RBM10: variants seen among roughly 807,000 people sequenced by gnomAD.
RBM10 encodes RNA binding motif protein 10, also known as RNA-binding protein 10.
In RBM10, 1 loss-of-function variant was observed where a neutral mutation model predicts 84.9. The ratio of observed to expected loss-of-function variants is 0.01; its 90% CI spans 0.00 to 0.06. The LOEUF is 0.06. RBM10 is among the 10% of genes least tolerant of loss of function. RBM10 has a pLI of 1.00. For missense variants in RBM10, 438 were observed against 839.0 expected, an observed-to-expected ratio of 0.52 and a Z score of 5.90; for synonymous variants, 326 against 344.5, an observed-to-expected ratio of 0.95 and a Z score of 0.60.
At position 47,179,467 on chromosome X, in the gene RBM10, G is replaced by A. The variant is rs1297786919; in HGVS notation, c.873G>A (p.Ser291=). Residue 291 remains serine, a synonymous_variant, in exon 9 of 24, where the codon TCG becomes TCA. Coordinates refer to ENST00000377604, the MANE Select transcript of RBM10 (RefSeq NM_005676.5). ...VLASQALSQG[S]EPSSENANDT... ...CCTCCCAAGCCCTGTCACAGGGCTC[G>A]GAGCCAAGCTCAGAGAACGCCAATG... The A allele has an allele frequency of 4.2e-6, 5 of 1,202,551 alleles. No homozygotes were observed. Among genetic ancestry groups the A allele is most frequent in the East Asian group, 3.0e-5 (1 of 33,800 alleles).
intron 2 of RBM10, among the ~76,000 whole-genome samples, chrX:47,152,435 CTATATCTTTTTTTTTTTTTTTTTT>C (rs1314361067): frequency 2.0e-5 from 2 of 97,709 alleles, no homozygotes; most frequent in Non-Finnish European, 4.0e-5. Flanking sequence ...CTCTATCACT[CTATATCTTTTTTTTTTTTTTTTTT>C]TTTTTTTGAG....
chrX:47,171,328 AC>A lies in RBM10; in HGVS notation c.432+74del, dbSNP rs1934652397. 6.8e-6 allele frequency: 8 copies of A among 1,172,971 alleles called. No individual in the cohort carries two copies. The Admixed American group carries it at 1.8e-4, about 27-fold the overall frequency. ...CCTCCAGGGCCCTCAACTTCTCCCC[AC>A]CCCTCCCTCACCTGCAACCTCAGCG... On this transcript the variant is annotated intron_variant, in intron 4 of 23. Coordinates refer to ENST00000377604, the MANE Select transcript of RBM10 (RefSeq NM_005676.5).
chrX:47,164,136 T>C (rs1451641157), intron 2 of RBM10, among the ~76,000 whole-genome samples: 9 of 110,726 alleles, frequency 8.1e-5, no homozygotes, highest in African/African-American at 3.0e-4. Flanking sequence ...CCCAAAGTGC[T>C]GGGATTACAG....
At chrX:47,169,597 C>G in intron 3 of RBM10, 99 bp downstream of exon 3, 1 of 909,724 alleles carries the variant, frequency 1.1e-6, no homozygotes, top group Non-Finnish European at 1.5e-6. Context: ...TCTCCACTCC[C>G]GTGCCTTCAG....
chrX:47,145,452 T>C lies in RBM10; in HGVS notation c.-159T>C. 6.1e-6 allele frequency: 7 copies of C among 1,152,715 alleles called. No homozygotes were observed. Among genetic ancestry groups the C allele is most frequent in the Non-Finnish European group, 8.0e-6 (7 of 871,832 alleles). 95.0% of individuals were successfully genotyped at this position (1,152,715 alleles called of 1,213,427 possible). A position where few individuals can be genotyped will look rare whatever the true frequency, so the allele number is the denominator to read the frequency against. On this transcript the variant is annotated 5_prime_UTR_variant, in exon 1 of 24. Transcript: ENST00000377604. The stretch of plus-strand genomic sequence containing the variant: ...GGTGGCGGCGGGCAGAGGTGATGTC[T>C]GGGAGCCCTTCCTTGACAGCCCGGG...
At chrX:47,145,949 G>A (rs1203383366) in intron 1 of RBM10, among the ~76,000 whole-genome samples, 3 of 105,644 alleles carry the variant, frequency 2.8e-5, no homozygotes, top group Non-Finnish European at 3.9e-5. Context: ...ACCCTTTGAG[G>A]GGGGGCGGTC....
intron 17 of RBM10, among the ~76,000 whole-genome samples, chrX:47,183,577 G>A (rs1383144980): frequency 9.1e-6 from 1 of 110,307 alleles, no homozygotes; most frequent in African/African-American, 3.3e-5. Flanking sequence ...GGGGGTGAAG[G>A]ATGAAAAATT....
Position 47,186,721 on chromosome X carries a change from G to C in RBM10, c.*122G>C. ...GGCCAGCCCACTCCCCAGCCAGAGAGGGCTTGACCAAATCAAATTGAGGTG... is the reference window on the plus strand; with the variant it reads ...GGCCAGCCCACTCCCCAGCCAGAGACGGCTTGACCAAATCAAATTGAGGTG... On this transcript the variant is annotated 3_prime_UTR_variant, in exon 24 of 24. Coordinates refer to ENST00000377604, the MANE Select transcript of RBM10 (RefSeq NM_005676.5). 1 of 923,323 alleles carries C rather than the reference G, an allele frequency of 1.1e-6. No individual in the cohort carries two copies. The allele number at this position is 923,323 out of a possible 1,213,427, so 76.1% of individuals were successfully genotyped here. A position where few individuals can be genotyped will look rare whatever the true frequency, so the allele number is the denominator to read the frequency against.
At position 47,145,331 on chromosome X, in the gene RBM10, C is replaced by T. The variant is rs934306506; in HGVS notation, c.-280C>T. 3.7e-6 allele frequency: 3 copies of T among 813,297 alleles called. No individual in the cohort carries two copies. In the East Asian group the frequency reaches 1.0e-4, roughly 28 times the overall value. The allele number at this position is 813,297 out of a possible 1,213,427, so 67.0% of individuals were successfully genotyped here. ...GCAGTGAGTTTCCCTGGGAGGGCAG[C>T]GCGCTTGGCGCTTCTCCCCTCCCCC... On this transcript the variant is annotated 5_prime_UTR_variant, in exon 1 of 24. Transcript: ENST00000377604.
At chrX:47,168,713 G>A (rs1478922895) in intron 2 of RBM10, among the ~76,000 whole-genome samples, 4 of 111,303 alleles carry the variant, frequency 3.6e-5, no homozygotes, top group Non-Finnish European at 5.7e-5. Context: ...CCTCACCCCC[G>A]GGGATCCTGC....
At chrX:47,163,932 G>A (rs982396046) in intron 2 of RBM10, among the ~76,000 whole-genome samples, 3 of 93,834 alleles carry the variant, frequency 3.2e-5, no homozygotes, top group African/African-American at 8.4e-5. Context: ...GCAGTGGCGC[G>A]ATCTCTGCTC....
intron 2 of RBM10, chrX:47,158,134 G>A: frequency 4.3e-6 from 1 of 231,546 alleles, no homozygotes; most frequent in Non-Finnish European, 8.0e-6. Context: ...CCGGGAAATT[G>A]AGCTTCTTGA....
At chrX:47,172,105 T>C (rs1324087157) in intron 4 of RBM10, among the ~76,000 whole-genome samples, 1 of 112,335 alleles carries the variant, frequency 8.9e-6, no homozygotes, top group East Asian at 2.8e-4. Context: ...TCAGTCCCCA[T>C]GGCAGCCCAG....
In RBM10 at chrX:47,145,372, C is replaced by T. The variant is rs1026371805; in HGVS notation, c.-239C>T. 9.4e-6 allele frequency: 10 copies of T among 1,065,239 alleles called. No individual in the cohort carries two copies. The Admixed American group carries it at 1.8e-4, about 19-fold the overall frequency. The allele number at this position is 1,065,239 out of a possible 1,213,427, so 87.8% of individuals were successfully genotyped here. ...CCCCTCCCCCCGATCTGCCTCCAGT[C>T]TCGGACTTGGTTGTTGCGCGCTCCG... On this transcript the variant is annotated 5_prime_UTR_variant, in exon 1 of 24. Coordinates refer to ENST00000377604, the MANE Select transcript of RBM10 (RefSeq NM_005676.5).
At chrX:47,159,306 G>C (rs1933454922) in intron 2 of RBM10, among the ~76,000 whole-genome samples, 1 of 109,861 alleles carries the variant, frequency 9.1e-6, no homozygotes, top group Non-Finnish European at 1.9e-5. Flanking sequence ...CTACTCGGGA[G>C]GCTGAGGCAG....
intron 17 of RBM10, among the ~76,000 whole-genome samples, chrX:47,183,410 A>T (rs188821552): frequency 5.5e-4 from 61 of 110,546 alleles, no homozygotes; most frequent in African/African-American, 1.8e-3. Flanking sequence ...AATCCCGGCT[A>T]CTCAGGAAGC....
chrX:47,171,770 C>T (rs782781665), intron 4 of RBM10, among the ~76,000 whole-genome samples: 44 of 112,037 alleles, frequency 3.9e-4, no homozygotes, highest in Non-Finnish European at 7.2e-4. Flanking sequence ...GCCTCCCTTT[C>T]CTCCTGTTTC....
chrX:47,185,667 G>A (rs374769033), intron 20 of RBM10, 37 bp downstream of exon 20: 2 of 1,207,402 alleles, frequency 1.7e-6, no homozygotes, highest in African/African-American at 3.5e-5. Flanking sequence ...GCTGGGGCCT[G>A]GCCCACTGAG....
rs2147210769 is a variant in RBM10 at position 47,185,139 on chromosome X, C to A, written c.2035C>A (p.Leu679Met). The change falls in exon 18 of 24, where the codon CTG becomes ATG. Residue 679 changes from leucine to methionine, a missense_variant. Transcript: ENST00000377604. ...FKNSFQPISSLRDDERRESAT... is the reference protein window; with the variant it reads ...FKNSFQPISSMRDDERRESAT... Reference sequence around the variant, plus strand: ...AAATAGCTTCCAGCCTATCAGCTCCCTGCGAGATGACGAGAGGCGGGAGTC... The same window carrying A: ...AAATAGCTTCCAGCCTATCAGCTCCATGCGAGATGACGAGAGGCGGGAGTC... 1 of 1,212,274 alleles carries A rather than the reference C, an allele frequency of 8.2e-7. No individual in the cohort carries two copies. Among genetic ancestry groups the A allele is most frequent in the South Asian group, 1.8e-5 (1 of 57,037 alleles).
Sources: gnomAD v4.1 joint callset for allele counts (sites outside exome capture counted in the v4.1 genomes callset) on GRCh38, gnomAD v4.1.1 for gene constraint, MANE v1.5 for transcripts, NCBI Gene and HGNC (gene_info 2026-07-23, HGNC 2026-07-21) for gene names.